Variants in CNTN4 observed in about 807,000 individuals in gnomAD.
The protein encoded by CNTN4 is contactin-4.
A neutral mutation model predicts 122.5 loss-of-function variants in CNTN4; 77 were observed. That is an observed-to-expected ratio of 0.63 (90% CI 0.52 to 0.76). CNTN4 has a LOEUF of 0.76. CNTN4 is among the 30% of genes least tolerant of loss of function. The pLI, the probability that CNTN4 is intolerant of heterozygous loss-of-function variation, is 0.00. For synonymous variants in CNTN4, 512 were observed against 447.0 expected (o/e 1.15, Z -1.83); for missense variants, 1,256 against 1,259.1 (o/e 1.00, Z 0.04).
At chr3:2,585,402 C>T (rs974217087) in intron 4 of CNTN4, among the ~76,000 whole-genome samples, 29 of 151,678 alleles carry the variant, frequency 1.9e-4, no homozygotes, top group African/African-American at 6.0e-4. Flanking sequence ...ATGTTTATTG[C>T]GGCACTATTC....
At chr3:2,801,104 A>G (rs1170594626) in intron 6 of CNTN4, among the ~76,000 whole-genome samples, 1 of 136,558 alleles carries the variant, frequency 7.3e-6, no homozygotes, top group Non-Finnish European at 1.7e-5. Flanking sequence ...ATCAGATGTA[A>G]GTTCCACAAG....
At chr3:2,747,476 A>AT (rs956656127) in intron 6 of CNTN4, among the ~76,000 whole-genome samples, 1 of 33,176 alleles carries the variant, frequency 3.0e-5, no homozygotes. Context: ...GACAGCTTAC[A>AT]TTTAAAAAAA....
At position 2,562,337 on chromosome 3, in the gene CNTN4, G is replaced by A. The variant is rs565937132; in HGVS notation, c.-88-9079G>A. 4.7e-4 allele frequency among the ~76,000 whole-genome samples: 72 copies of A among 152,084 alleles called. 1 individual carries two copies. Among genetic ancestry groups the A allele is most frequent in the Non-Finnish European group, 8.8e-4 (60 of 68,020 alleles). On this transcript the variant is annotated intron_variant, in intron 3 of 24. Transcript: ENST00000418658. ...CAAATGACCCTATCACCCAAGCAGT[G>A]AGCATAGTACCCAATAAGCAGTTTT...
chr3:2,524,771 G>A (rs2077341416), intron 3 of CNTN4, among the ~76,000 whole-genome samples: 2 of 151,874 alleles, frequency 1.3e-5, no homozygotes, highest in Non-Finnish European at 2.9e-5. Context: ...ATTCTGTTCT[G>A]CAAAAAAAGA....
chr3:2,928,518 T>C (rs1264946960), intron 13 of CNTN4, among the ~76,000 whole-genome samples: 1 of 152,212 alleles, frequency 6.6e-6, no homozygotes, highest in Non-Finnish European at 1.5e-5. Flanking sequence ...CAAAATTCTT[T>C]GACTACACAG....
chr3:2,633,686 C>T (rs941444158), intron 4 of CNTN4, among the ~76,000 whole-genome samples: 2 of 152,140 alleles, frequency 1.3e-5, no homozygotes, highest in Admixed American at 6.5e-5. Context: ...AGTAGTCCAC[C>T]GCCTATAAAG....
intron 8 of CNTN4, among the ~76,000 whole-genome samples, chr3:2,868,505 G>A (rs2093749231): frequency 6.6e-6 from 1 of 152,138 alleles, no homozygotes; most frequent in Non-Finnish European, 1.5e-5. Context: ...TGAACTTTGT[G>A]CCCAAGTGAT....
chr3:2,542,052 G>A (rs1559211725), intron 3 of CNTN4, among the ~76,000 whole-genome samples: 1 of 152,094 alleles, frequency 6.6e-6, no homozygotes, highest in African/African-American at 2.4e-5. Context: ...CACTCTGCAG[G>A]TATCAATCTA....
intron 13 of CNTN4, among the ~76,000 whole-genome samples, chr3:2,945,469 C>T (rs1207362376): frequency 6.6e-6 from 1 of 152,146 alleles, no homozygotes; most frequent in African/African-American, 2.4e-5. Context: ...TGGGGACTCT[C>T]CATTTTATGA....
chr3:3,012,096 C>A (rs1027493951), intron 14 of CNTN4, among the ~76,000 whole-genome samples: 15 of 152,244 alleles, frequency 9.9e-5, no homozygotes, highest in African/African-American at 2.9e-4. Context: ...ATTTTTCTGA[C>A]TTCAAAACTC....
At chr3:2,282,525 A>G (rs1019819374) in intron 2 of CNTN4, among the ~76,000 whole-genome samples, 1 of 152,044 alleles carries the variant, frequency 6.6e-6, no homozygotes. Context: ...GTTTTGATGA[A>G]TAGTTTGGAT....
chr3:2,140,829 T>C (rs1456098740), intron 2 of CNTN4, among the ~76,000 whole-genome samples: 1 of 152,190 alleles, frequency 6.6e-6, no homozygotes, highest in Non-Finnish European at 1.5e-5. Context: ...GAACTGCTTG[T>C]TCATGTGATC....
At chr3:2,102,954 G>C (rs1476787878) in intron 2 of CNTN4, among the ~76,000 whole-genome samples, 1 of 151,002 alleles carries the variant, frequency 6.6e-6, no homozygotes, top group Admixed American at 6.6e-5. Context: ...AACTGGAATG[G>C]ATACAATAAA....
chr3:2,191,027 G>A (rs983182383), intron 2 of CNTN4, among the ~76,000 whole-genome samples: 4 of 151,800 alleles, frequency 2.6e-5, no homozygotes, highest in Non-Finnish European at 5.9e-5. Context: ...GATTTCCCAG[G>A]GCTTGACTCT....
At chr3:3,042,710 C>G (rs1447098803) in intron 21 of CNTN4, 1 of 586,226 alleles carries the variant, frequency 1.7e-6, no homozygotes, top group African/African-American at 1.9e-5. Context: ...ATCACTTTGA[C>G]TCAAAACAAA....
At chr3:2,169,548 A>C (rs1370190111) in intron 2 of CNTN4, among the ~76,000 whole-genome samples, 2 of 104,634 alleles carry the variant, frequency 1.9e-5, no homozygotes, top group Non-Finnish European at 4.3e-5. Flanking sequence ...CTGGGACTAC[A>C]GGCGCCGCCA....
chr3:2,620,888 C>T (rs980046614), intron 4 of CNTN4, among the ~76,000 whole-genome samples: 8 of 152,142 alleles, frequency 5.3e-5, no homozygotes, highest in Non-Finnish European at 1.0e-4. Flanking sequence ...TTCGGATCCT[C>T]TTCTGGACAT....
chr3:2,134,761 C>G (rs908249720), intron 2 of CNTN4, among the ~76,000 whole-genome samples: 2 of 152,176 alleles, frequency 1.3e-5, no homozygotes, highest in Non-Finnish European at 2.9e-5. Flanking sequence ...TCCAGAGAAA[C>G]AGAACATATA....
At chr3:2,508,405 T>C (rs2076793964) in intron 3 of CNTN4, among the ~76,000 whole-genome samples, 1 of 152,214 alleles carries the variant, frequency 6.6e-6, no homozygotes. Flanking sequence ...TGTATGCACA[T>C]CTGGTGACTT....
Sources: gnomAD v4.1 joint callset for allele counts (sites outside exome capture counted in the v4.1 genomes callset) on GRCh38, gnomAD v4.1.1 for gene constraint, MANE v1.5 for transcripts, NCBI Gene and HGNC (gene_info 2026-07-23, HGNC 2026-07-21) for gene names.